NRG3: variants seen among roughly 807,000 people sequenced by gnomAD.
NRG3 encodes the protein pro-neuregulin-3, membrane-bound isoform.
A neutral mutation model predicts 66.9 loss-of-function variants in NRG3; 31 were observed. The ratio of observed to expected loss-of-function variants is 0.46; its 90% CI spans 0.35 to 0.63. The LOEUF is 0.63. Among genes scored for constraint, NRG3 ranks in the 20% least tolerant of loss-of-function variants. NRG3 has a pLI of 0.00. For synonymous variants in NRG3, 393 were observed against 359.4 expected, an observed-to-expected ratio of 1.09 and a Z score of -1.06; for missense variants, 910 against 878.9, an observed-to-expected ratio of 1.04 and a Z score of -0.45.
intron 2 of NRG3, among the ~76,000 whole-genome samples, chr10:82,675,259 G>A (rs1306705523): frequency 6.6e-6 from 1 of 152,012 alleles, no homozygotes; most frequent in Non-Finnish European, 1.5e-5. Flanking sequence ...ACCCGGCCTT[G>A]GGGTTTTTCA....
intron 1 of NRG3, chr10:82,166,679 T>C: frequency 2.0e-6 from 1 of 507,370 alleles, no homozygotes; most frequent in Non-Finnish European, 3.5e-6. Flanking sequence ...AATATATATA[T>C]TTACTAATTT....
At chr10:82,540,992 G>A (rs920172188) in intron 2 of NRG3, among the ~76,000 whole-genome samples, 1 of 152,070 alleles carries the variant, frequency 6.6e-6, no homozygotes, top group Non-Finnish European at 1.5e-5. Context: ...ATTTGAACAC[G>A]CAAAGAGAGA....
chr10:82,931,628 C>G (rs1163955176), intron 4 of NRG3, among the ~76,000 whole-genome samples: 1 of 152,166 alleles, frequency 6.6e-6, no homozygotes, highest in Non-Finnish European at 1.5e-5. Flanking sequence ...ATTGACTCTT[C>G]TATTGGATTT....
chr10:82,961,140 T>G (rs1448584799), intron 6 of NRG3, among the ~76,000 whole-genome samples: 1 of 152,172 alleles, frequency 6.6e-6, no homozygotes, highest in Non-Finnish European at 1.5e-5. Context: ...AAAAGAAAAT[T>G]AAGAAAACAC....
At chr10:82,618,668 A>T (rs938052078) in intron 2 of NRG3, among the ~76,000 whole-genome samples, 1 of 152,190 alleles carries the variant, frequency 6.6e-6, no homozygotes, top group African/African-American at 2.4e-5. Context: ...TATAAAAAAT[A>T]TATAAAAACT....
intron 1 of NRG3, among the ~76,000 whole-genome samples, chr10:81,928,308 T>C (rs1324113815): frequency 6.6e-6 from 1 of 152,178 alleles, no homozygotes; most frequent in Non-Finnish European, 1.5e-5. Context: ...CTGTCTCCCC[T>C]GCAGGGATTC....
At chr10:82,391,312 A>G (rs1391886817) in intron 2 of NRG3, among the ~76,000 whole-genome samples, 1 of 152,196 alleles carries the variant, frequency 6.6e-6, no homozygotes, top group African/African-American at 2.4e-5. Context: ...GCCAGAAAGG[A>G]AGGCCCAGAA....
chr10:81,974,638 A>G (rs78692705), intron 1 of NRG3, among the ~76,000 whole-genome samples: 1,725 of 152,254 alleles, frequency 0.011, 9 homozygotes, highest in Middle Eastern at 0.058. Context: ...GTCAAGCTTC[A>G]TGGTTCTTCA....
chr10:82,877,210 T>C (rs888777266), intron 4 of NRG3, among the ~76,000 whole-genome samples: 2 of 152,036 alleles, frequency 1.3e-5, no homozygotes, highest in African/African-American at 4.8e-5. Context: ...ATACAGGTTC[T>C]TCTCAATAAG....
intron 2 of NRG3, among the ~76,000 whole-genome samples, chr10:82,461,506 A>G (rs1388654957): frequency 6.6e-6 from 1 of 152,132 alleles, no homozygotes; most frequent in Non-Finnish European, 1.5e-5. Flanking sequence ...TGCACATGTC[A>G]CACCCACTAA....
chr10:82,536,718 T>G (rs531293663), intron 2 of NRG3, among the ~76,000 whole-genome samples: 1 of 152,080 alleles, frequency 6.6e-6, no homozygotes, highest in African/African-American at 2.4e-5. Flanking sequence ...CTGGAGACCT[T>G]GTGATTATTA....
At chr10:82,611,822 T>C (rs1056993679) in intron 2 of NRG3, among the ~76,000 whole-genome samples, 4 of 152,148 alleles carry the variant, frequency 2.6e-5, no homozygotes, top group South Asian at 2.1e-4. Flanking sequence ...CTTCTAGTCC[T>C]AGACCCTTGA....
At chr10:82,321,340 G>GC (rs1447322549) in intron 1 of NRG3, among the ~76,000 whole-genome samples, 5 of 151,546 alleles carry the variant, frequency 3.3e-5, no homozygotes, top group African/African-American at 9.7e-5. Flanking sequence ...TTCACCTGCA[G>GC]CCCCCCAAAT....
At chr10:82,893,961 A>G (rs983316392) in intron 4 of NRG3, among the ~76,000 whole-genome samples, 1 of 152,218 alleles carries the variant, frequency 6.6e-6, no homozygotes, top group Non-Finnish European at 1.5e-5. Context: ...AAAGTTGGTT[A>G]TTAAAATGTT....
At chr10:82,866,515 G>A (rs1449439268) in intron 4 of NRG3, among the ~76,000 whole-genome samples, 1 of 152,074 alleles carries the variant, frequency 6.6e-6, no homozygotes, top group Non-Finnish European at 1.5e-5. Context: ...ACTCATTATT[G>A]CTCCATTCTC....
chr10:82,358,867 C>G lies in NRG3; in HGVS notation c.952C>G (p.Arg318Gly). Residue 318 changes from arginine (R) to glycine (G), a missense_variant and splice_region_variant, in exon 2 of 9, where the codon CGG becomes GGG. Transcript: ENST00000372141. ...CCTGACCGGATCCCATAAACACTGT[C>G]GGTAAGCCACTGAGGCCACTGATGG... ...ETLTGSHKHCRCKEGYQGVRC... is the reference protein window; with the variant it reads ...ETLTGSHKHCGCKEGYQGVRC... 1 of 1,614,110 alleles carries G rather than the reference C, an allele frequency of 6.2e-7. No homozygotes were observed. The highest frequency in any genetic ancestry group is 8.5e-7 in the Non-Finnish European group (1 of 1,180,006).
intron 1 of NRG3, among the ~76,000 whole-genome samples, chr10:82,301,550 C>T (rs1472850818): frequency 6.6e-6 from 1 of 151,930 alleles, no homozygotes; most frequent in African/African-American, 2.4e-5. Context: ...TTTCTGTTTA[C>T]TGATACTAAT....
At chr10:82,333,279 C>T (rs963750803) in intron 1 of NRG3, among the ~76,000 whole-genome samples, 7 of 152,088 alleles carry the variant, frequency 4.6e-5, no homozygotes, top group African/African-American at 9.7e-5. Context: ...ACAAAATAGC[C>T]GCCACACAAG....
At chr10:82,244,148 T>C (rs2077128875) in intron 1 of NRG3, among the ~76,000 whole-genome samples, 1 of 152,182 alleles carries the variant, frequency 6.6e-6, no homozygotes, top group South Asian at 2.1e-4. Flanking sequence ...TTGTGATTTT[T>C]TTTCCTTTGT....
Sources: gnomAD v4.1 joint callset for allele counts (sites outside exome capture counted in the v4.1 genomes callset) on GRCh38, gnomAD v4.1.1 for gene constraint, MANE v1.5 for transcripts, NCBI Gene and HGNC (gene_info 2026-07-23, HGNC 2026-07-21) for gene names.